Variants in BRSK2 observed in about 807,000 individuals in gnomAD.
BRSK2 encodes BR serine/threonine kinase 2, also known as serine/threonine-protein kinase BRSK2.
BRSK2 carries 19 observed loss-of-function variants against 83.3 expected under a neutral mutation model. That is an observed-to-expected ratio of 0.23 (90% confidence interval 0.16 to 0.33). The LOEUF is 0.33. BRSK2 is among the 10% of genes least tolerant of loss of function. BRSK2 has a pLI of 1.00. For synonymous variants in BRSK2, 519 were observed against 435.4 expected (o/e 1.19, Z -2.39); for missense variants, 798 against 1,042.3 (o/e 0.77, Z 3.23).
In BRSK2 at chr11:1,449,809, T is replaced by C. The variant is rs754640411; in HGVS notation, c.1260T>C (p.Leu420=). Residue 420 remains leucine (L), a synonymous_variant, in exon 13 of 20, where the codon CTT becomes CTC. Coordinates refer to ENST00000528841, the MANE Select transcript of BRSK2 (RefSeq NM_001256627.2). ...CCATCAGCGGTGCCTCCTCAGGCCT[T>C]TCCACCAGCCCACTCAGCAGCCCCC... ...SRSISGASSG[L]STSPLSSPRV... 8.1e-6 allele frequency: 13 copies of C among 1,611,882 alleles called. No individual in the cohort carries two copies. The highest frequency in any genetic ancestry group is 1.0e-5 in the Non-Finnish European group (12 of 1,179,464).
intron 13 of BRSK2, among the ~76,000 whole-genome samples, chr11:1,450,242 C>T (rs548875890): frequency 6.6e-6 from 1 of 151,856 alleles, no homozygotes; most frequent in African/African-American, 2.4e-5. Context: ...GCTTGTCCTG[C>T]CCCCACCGCC....
chr11:1,409,060 G>C (rs1470307953), intron 1 of BRSK2, among the ~76,000 whole-genome samples: 1 of 152,170 alleles, frequency 6.6e-6, no homozygotes, highest in African/African-American at 2.4e-5. Context: ...ACAGGGATGT[G>C]TGTGTATGTG....
chr11:1,442,689 G>A (rs1851505265), intron 5 of BRSK2, 83 bp downstream of exon 5: 2 of 1,115,270 alleles, frequency 1.8e-6, no homozygotes, highest in Non-Finnish European at 2.7e-6. Flanking sequence ...GAGGCCCCCA[G>A]CCTGCCTGAG....
intron 13 of BRSK2, 105 bp downstream of exon 13, chr11:1,449,941 C>G: frequency 1.3e-6 from 1 of 744,230 alleles, no homozygotes; most frequent in South Asian, 1.7e-5. Context: ...TGGGAAGCAG[C>G]CCCAGGCGCC....
rs754974527 is a variant in BRSK2 at position 1,390,961 on chromosome 11, C to G, written c.91+586C>G. Among the ~76,000 whole-genome samples, 25 of 152,126 alleles carry G rather than the reference C, an allele frequency of 1.6e-4. No homozygotes were observed. Among genetic ancestry groups the G allele is most frequent in the Non-Finnish European group, 3.5e-4 (24 of 68,000 alleles). The stretch of plus-strand genomic sequence containing the variant: ...CTCGGGCGGGCGGAGCGTCTGTGAC[C>G]TGCATTCCCACGGGGCAGGGAGAGG... On this transcript the variant is annotated intron_variant, in intron 1 of 19. Transcript: ENST00000528841. The surrounding 1 kb of genome is among the most constrained non-coding windows in gnomAD (Gnocchi z 6.8).
At chr11:1,443,262 C>G in intron 6 of BRSK2, 73 bp from the exon 7 acceptor site, 1 of 1,534,442 alleles carries the variant, frequency 6.5e-7, no homozygotes, top group Non-Finnish European at 8.8e-7. Context: ...GGCCGACTCC[C>G]TCTGAGCCCA....
chr11:1,423,490 A>C lies in BRSK2; in HGVS notation c.92-12550A>C, dbSNP rs1564822098. 6.6e-6 allele frequency among the ~76,000 whole-genome samples: 1 copy of C among 152,100 alleles called. No individual in the cohort carries two copies. On this transcript the variant is annotated intron_variant, in intron 1 of 19. Coordinates refer to ENST00000528841, the MANE Select transcript of BRSK2 (RefSeq NM_001256627.2). The surrounding 1 kb of genome is among the most constrained non-coding windows in gnomAD (Gnocchi z 6.5). ...GAATTTGAGGTGCCTTAGGAGGTTC[A>C]TGATGAAGGATGCGGCCCACAGTCG...
At chr11:1,443,719 T>C in intron 8 of BRSK2, 84 bp downstream of exon 8, 1 of 1,417,684 alleles carries the variant, frequency 7.1e-7, no homozygotes, top group South Asian at 1.5e-5. Context: ...CACAGGTGTG[T>C]GCCCAGACGT....
intron 10 of BRSK2, 49 bp from the exon 11 acceptor site, chr11:1,445,522 G>A (rs778456822): frequency 1.9e-6 from 3 of 1,602,578 alleles, no homozygotes; most frequent in Admixed American, 1.7e-5. Flanking sequence ...CCCCGGAGGA[G>A]CCGGCGGCCC....
At chr11:1,447,734 G>A in intron 12 of BRSK2, 1 of 1,512,024 alleles carries the variant, frequency 6.6e-7, no homozygotes, top group Non-Finnish European at 8.9e-7. Context: ...CCGGGCCCTG[G>A]GGGCCGACCT....
rs1373239905 is a variant in BRSK2, at chr11:1,456,680, C to T, written c.1932C>T (p.His644=). The T allele has an allele frequency of 2.5e-6, 4 of 1,603,108 alleles. No individual in the cohort carries two copies. The highest frequency in any genetic ancestry group is 3.4e-6 in the Non-Finnish European group (4 of 1,176,086). ...LSTHDPPAAQ[H]LSDTTNCMEM... ...CACACGACCCGCCTGCGGCCCAGCACTTGTCAGGTGAGGCGGGCTCAGCTC... is the reference window on the plus strand; with the variant it reads ...CACACGACCCGCCTGCGGCCCAGCATTTGTCAGGTGAGGCGGGCTCAGCTC... The change falls in exon 18 of 20, where the codon CAC becomes CAT. Residue 644 remains histidine, a synonymous_variant. Transcript: ENST00000528841.
intron 18 of BRSK2, 63 bp from the exon 19 acceptor site, chr11:1,459,129 G>A: frequency 5.2e-6 from 8 of 1,544,558 alleles, no homozygotes; most frequent in Non-Finnish European, 7.1e-6. Context: ...TGGGCGTCCA[G>A]CCAGAAGGCC....
Position 1,445,829 on chromosome 11 carries a change from T to C in BRSK2, c.1148T>C (p.Met383Thr). ...AAGCGGCGGCCAGAACGCAAATCCA[T>C]GGAGGTGCTCAGCGTGACGGACGGC... is the stretch of plus-strand genomic sequence containing the variant. ...HGKRRPERKSMEVLSVTDGGS... is the reference protein window; with the variant it reads ...HGKRRPERKSTEVLSVTDGGS... The change falls in exon 12 of 20, where the codon ATG (methionine) becomes ACG (threonine). Residue 383 changes from methionine (M) to threonine (T), a missense_variant. By Grantham distance (81) the Met-to-Thr change is moderately conservative. This residue lies in a region of BRSK2 where 51 missense variants were observed against 52.6 expected (regional missense o/e 0.97). Coordinates refer to ENST00000528841, the MANE Select transcript of BRSK2 (RefSeq NM_001256627.2). The C allele has an allele frequency of 3.1e-6, 5 of 1,612,394 alleles. No individual in the cohort carries two copies. Among genetic ancestry groups the C allele is most frequent in the Non-Finnish European group, 3.4e-6 (4 of 1,179,688 alleles).
intron 8 of BRSK2, 76 bp from the exon 9 acceptor site, chr11:1,444,895 C>G: frequency 1.5e-4 from 206 of 1,383,942 alleles, no homozygotes; most frequent in Non-Finnish European, 1.9e-4. Flanking sequence ...AGCGCCCCTG[C>G]CTTCCCCCTC....
In BRSK2 at chr11:1,438,057, C is replaced by T. The variant is rs1370430260; in HGVS notation, c.187-249C>T. ...CCACAGCTGGCACCAAAGGCCCCTG[C>T]GTCCCCCACAGCTGGCACCAAAGGC... On this transcript the variant is annotated intron_variant, in intron 2 of 19. Transcript: ENST00000528841. This position sits in a 1 kb window ranked among gnomAD's most constrained non-coding sequence, Gnocchi z 6.4. Among the ~76,000 whole-genome samples the T allele has an allele frequency of 2.6e-5, 4 of 151,128 alleles. 1 individual carries two copies. Among genetic ancestry groups the T allele is most frequent in the African/African-American group, 7.3e-5 (3 of 41,142 alleles).
rs189296041 is a variant in BRSK2 at position 1,433,548 on chromosome 11, C to G, written c.92-2492C>G. Among the ~76,000 whole-genome samples, 1,208 of 152,392 alleles carry G rather than the reference C, an allele frequency of 7.9e-3. 27 individuals carry two copies. Among genetic ancestry groups the G allele is most frequent in the African/African-American group, 0.028 (1,144 of 41,596 alleles). On this transcript the variant is annotated intron_variant, in intron 1 of 19. Coordinates refer to ENST00000528841, the MANE Select transcript of BRSK2 (RefSeq NM_001256627.2). Reference sequence around the variant, plus strand: ...TGTCACGGACCACGCCTTAGCCTTGCAGCCAGGTTTGGGGGACATTGAGCT... The same window carrying G: ...TGTCACGGACCACGCCTTAGCCTTGGAGCCAGGTTTGGGGGACATTGAGCT...
chr11:1,422,067 G>A (rs116301886), intron 1 of BRSK2, among the ~76,000 whole-genome samples: 36,213 of 152,014 alleles, frequency 0.24, 4,608 homozygotes, highest in African/African-American at 0.28. Context: ...TGCCTGGGCT[G>A]CATCATCGGG....
In BRSK2 at chr11:1,461,076, C is replaced by G; in HGVS notation, c.*353C>G. On this transcript the variant is annotated 3_prime_UTR_variant, in exon 20 of 20. Coordinates refer to ENST00000528841, the MANE Select transcript of BRSK2 (RefSeq NM_001256627.2). ...CTCCGCTCCTGCTGTTGCTGCCGGG[C>G]AGTGAGGCCCAGCCCAGCGCCCCGT... 6.4e-7 allele frequency: 1 copy of G among 1,573,536 alleles called. No homozygotes were observed. Among genetic ancestry groups the G allele is most frequent in the Non-Finnish European group, 8.7e-7 (1 of 1,152,832 alleles).
rs191839431 is a variant in BRSK2, at chr11:1,390,783, C to T, written c.91+408C>T. On this transcript the variant is annotated intron_variant, in intron 1 of 19. Coordinates refer to ENST00000528841, the MANE Select transcript of BRSK2 (RefSeq NM_001256627.2). This position sits in a 1 kb window ranked among gnomAD's most constrained non-coding sequence, Gnocchi z 6.8. ...TGCCGCGGCCGCGCTAATAGGCGTG[C>T]TGCCCGAGCAGCTGCGCCCCCGGCG... is the stretch of plus-strand genomic sequence containing the variant. Among the ~76,000 whole-genome samples, 721 of 152,096 alleles carry T rather than the reference C, an allele frequency of 4.7e-3. 11 individuals carry two copies. Among genetic ancestry groups the T allele is most frequent in the East Asian group, 0.032 (164 of 5,126 alleles).
Sources: allele counts gnomAD v4.1 joint callset (sites outside exome capture counted in the v4.1 genomes callset), GRCh38; gene constraint gnomAD v4.1.1; regional missense constraint gnomAD v4.1.1; non-coding constraint Gnocchi (gnomAD v3.1); transcripts MANE v1.5; gene names NCBI Gene and HGNC (gene_info 2026-07-23, HGNC 2026-07-21).